Variants in RBFOX3 observed in about 807,000 individuals in gnomAD.
RBFOX3 encodes the protein RNA binding fox-1 homolog 3, also known as RNA binding protein fox-1 homolog 3.
RBFOX3 carries 17 observed loss-of-function variants against 48.7 expected under a neutral mutation model. The ratio of observed to expected loss-of-function variants is 0.35; its 90% CI spans 0.24 to 0.52. The LOEUF is 0.52. Ranked by LOEUF, RBFOX3 falls within the 20% of genes least tolerant of loss-of-function variation. RBFOX3 has a pLI of 0.94. For missense variants in RBFOX3, 382 were observed against 497.5 expected (o/e 0.77, Z 2.21); for synonymous variants, 212 against 209.5 (o/e 1.01, Z -0.10).
intron 1 of RBFOX3, among the ~76,000 whole-genome samples, chr17:79,551,819 C>T (rs2091187749): frequency 6.6e-6 from 1 of 152,160 alleles, no homozygotes; most frequent in African/African-American, 2.4e-5. Context: ...CTTCTTGCAG[C>T]CCTCACTAGA....
At chr17:79,545,673 G>A (rs2090327803) in intron 1 of RBFOX3, among the ~76,000 whole-genome samples, 1 of 152,184 alleles carries the variant, frequency 6.6e-6, no homozygotes, top group African/African-American at 2.4e-5. Context: ...AGGGGACGCT[G>A]TCCAACCCAC....
At chr17:79,105,223 A>G (rs1485838917) in intron 6 of RBFOX3, among the ~76,000 whole-genome samples, 14 of 152,176 alleles carry the variant, frequency 9.2e-5, no homozygotes. Flanking sequence ...TGCTGAAAAG[A>G]GGGGGACAGT....
At chr17:79,246,061 G>C (rs2063130667) in intron 3 of RBFOX3, among the ~76,000 whole-genome samples, 2 of 150,908 alleles carry the variant, frequency 1.3e-5, no homozygotes, top group South Asian at 4.2e-4. Context: ...GTATCAAAAA[G>C]CCCCACTGCC....
intron 1 of RBFOX3, among the ~76,000 whole-genome samples, chr17:79,570,383 A>G (rs2092630255): frequency 6.6e-6 from 1 of 151,830 alleles, no homozygotes; most frequent in African/African-American, 2.4e-5. Context: ...GATGGATAAT[A>G]GATGGATGGT....
intron 2 of RBFOX3, among the ~76,000 whole-genome samples, chr17:79,332,397 G>A (rs973847620): frequency 2.6e-5 from 4 of 152,142 alleles, no homozygotes; most frequent in African/African-American, 4.8e-5. Flanking sequence ...GTGGGAGAGG[G>A]AAAGGGATAG....
chr17:79,510,897 C>G (rs1012565897), intron 1 of RBFOX3, among the ~76,000 whole-genome samples: 1 of 152,066 alleles, frequency 6.6e-6, no homozygotes, highest in Non-Finnish European at 1.5e-5. Flanking sequence ...AAGTGTACCC[C>G]CAAGCAGCAG....
intron 4 of RBFOX3, among the ~76,000 whole-genome samples, chr17:79,123,927 G>A (rs776741448): frequency 1.3e-5 from 2 of 152,160 alleles, no homozygotes; most frequent in African/African-American, 4.8e-5. Context: ...TCGGTACCAC[G>A]AACGCCATTT....
chr17:79,602,030 C>T (rs1188605292), intron 1 of RBFOX3: 2 of 152,228 alleles, frequency 1.3e-5, no homozygotes, highest in African/African-American at 2.4e-5. Flanking sequence ...GAGTTAAAAG[C>T]ATGCAGATTC....
chr17:79,632,523 C>T, the RBFOX3 span, among the ~76,000 whole-genome samples: 25 of 152,252 alleles, frequency 1.6e-4, 1 homozygote, highest in South Asian at 5.0e-3. Context: ...CTATCTCTAA[C>T]CCAGGGTCAT....
At chr17:79,354,057 A>G (rs1598361031) in intron 2 of RBFOX3, among the ~76,000 whole-genome samples, 1 of 152,252 alleles carries the variant, frequency 6.6e-6, no homozygotes, top group South Asian at 2.1e-4. Context: ...AGGTACAGAG[A>G]GTTCCCACAG....
intron 3 of RBFOX3, among the ~76,000 whole-genome samples, chr17:79,236,711 C>G (rs943188780): frequency 1.3e-5 from 2 of 152,196 alleles, no homozygotes; most frequent in Non-Finnish European, 2.9e-5. Context: ...GACCACCACT[C>G]ACTCACTTTA....
chr17:79,571,764 G>T (rs925175193), intron 1 of RBFOX3, among the ~76,000 whole-genome samples: 12 of 152,132 alleles, frequency 7.9e-5, no homozygotes, highest in Non-Finnish European at 1.6e-4. Flanking sequence ...GCTGCAGGGG[G>T]TCTGGCTTCC....
the RBFOX3 span, among the ~76,000 whole-genome samples, chr17:79,660,948 C>CA: frequency 2.0e-5 from 3 of 151,902 alleles, no homozygotes; most frequent in Admixed American, 6.6e-5. Flanking sequence ...ATTATGCAGC[C>CA]AAAAAAAGGA....
chr17:79,447,269 A>C (rs2072525394), intron 2 of RBFOX3, among the ~76,000 whole-genome samples: 1 of 152,132 alleles, frequency 6.6e-6, no homozygotes, highest in African/African-American at 2.4e-5. Flanking sequence ...CCACCTTCTG[A>C]GAGGCCCATG....
At chr17:79,230,299 A>G (rs957438107) in intron 4 of RBFOX3, among the ~76,000 whole-genome samples, 3 of 151,914 alleles carry the variant, frequency 2.0e-5, no homozygotes, top group Non-Finnish European at 2.9e-5. Flanking sequence ...TTGCTTTGTC[A>G]CCCAGGCTGG....
intron 4 of RBFOX3, among the ~76,000 whole-genome samples, chr17:79,217,899 C>A (rs372579470): frequency 6.6e-6 from 1 of 151,752 alleles, no homozygotes; most frequent in African/African-American, 2.4e-5. Flanking sequence ...GAAGGAGGTG[C>A]GGGGTGAGGT....
chr17:79,595,328 C>T (rs943800721), intron 1 of RBFOX3, among the ~76,000 whole-genome samples: 10 of 152,214 alleles, frequency 6.6e-5, no homozygotes, highest in Admixed American at 6.5e-4. Context: ...CGTGCCCCAG[C>T]GAAGAACATG....
At chr17:79,464,366 G>T (rs2076038921) in intron 2 of RBFOX3, among the ~76,000 whole-genome samples, 1 of 152,256 alleles carries the variant, frequency 6.6e-6, no homozygotes, top group Non-Finnish European at 1.5e-5. Flanking sequence ...CTTTGTGCCT[G>T]CCCAAGGTGC....
At chr17:79,325,412 C>T (rs945355688) in intron 2 of RBFOX3, among the ~76,000 whole-genome samples, 10 of 152,130 alleles carry the variant, frequency 6.6e-5, no homozygotes, top group Non-Finnish European at 1.3e-4. Context: ...ATTTGAGGAG[C>T]CCGGCAGCAC....
Sources: allele counts gnomAD v4.1 joint callset (sites outside exome capture counted in the v4.1 genomes callset), GRCh38; gene constraint gnomAD v4.1.1; transcripts MANE v1.5; gene names NCBI Gene and HGNC (gene_info 2026-07-23, HGNC 2026-07-21).